Variants in TENM3 observed in about 807,000 individuals in gnomAD.
The protein encoded by TENM3 is teneurin transmembrane protein 3.
Under a neutral mutation model 255.1 loss-of-function variants are expected in TENM3, and 63 were observed. The observed-to-expected ratio is 0.25, with a 90% CI of 0.20 to 0.30. TENM3 has a LOEUF of 0.30. Among genes scored for constraint, TENM3 ranks in the 10% least tolerant of loss-of-function variants. The pLI is 1.00. For missense variants in TENM3, 2,929 were observed against 3,461.1 expected (o/e 0.85, Z 3.86); for synonymous variants, 1,306 against 1,322.3 (o/e 0.99, Z 0.27).
chr4:182,216,079 A>G (rs1755444830), intron 1 of TENM3, among the ~76,000 whole-genome samples: 1 of 152,216 alleles, frequency 6.6e-6, no homozygotes. Flanking sequence ...GATTTCTCCA[A>G]AGGCCAGTGA....
chr4:182,008,342 C>T, the TENM3 span, among the ~76,000 whole-genome samples: 1 of 152,050 alleles, frequency 6.6e-6, no homozygotes, highest in Admixed American at 6.5e-5. Flanking sequence ...CAGCTTGTTT[C>T]CATTCTCCCC....
intron 22 of TENM3, among the ~76,000 whole-genome samples, chr4:182,763,052 T>C (rs897185593): frequency 6.6e-6 from 1 of 152,240 alleles, no homozygotes; most frequent in African/African-American, 2.4e-5. Context: ...TGTAGCGCTC[T>C]CTAAAAACTA....
chr4:182,186,339 A>G (rs969732542), intron 1 of TENM3, among the ~76,000 whole-genome samples: 1 of 152,118 alleles, frequency 6.6e-6, no homozygotes, highest in Non-Finnish European at 1.5e-5. Context: ...CTGATATATG[A>G]TCATGTTTAA....
At chr4:182,446,292 C>T (rs1772907895) in intron 3 of TENM3, among the ~76,000 whole-genome samples, 1 of 152,174 alleles carries the variant, frequency 6.6e-6, no homozygotes, top group African/African-American at 2.4e-5. Context: ...ATGTAGAATA[C>T]TCCAGTACAC....
the TENM3 span, among the ~76,000 whole-genome samples, chr4:181,469,507 C>T: frequency 6.6e-6 from 1 of 152,072 alleles, no homozygotes; most frequent in Non-Finnish European, 1.5e-5. Context: ...TTAGAAAACA[C>T]TTGCATATTT....
At chr4:181,513,774 C>T in the TENM3 span, among the ~76,000 whole-genome samples, 55 of 152,274 alleles carry the variant, frequency 3.6e-4, no homozygotes, top group African/African-American at 1.1e-3. Flanking sequence ...AATCCTGTCG[C>T]TTGTTTTCTT....
intron 1 of TENM3, among the ~76,000 whole-genome samples, chr4:182,197,166 T>C (rs1303025009): frequency 1.3e-5 from 2 of 152,254 alleles, no homozygotes; most frequent in African/African-American, 4.8e-5. Flanking sequence ...TTATTTTTGT[T>C]GTCTACAAGC....
intron 5 of TENM3, among the ~76,000 whole-genome samples, chr4:182,641,684 G>A (rs892383614): frequency 6.6e-6 from 1 of 152,004 alleles, no homozygotes; most frequent in Non-Finnish European, 1.5e-5. Context: ...TGCTCCACAC[G>A]CCTGGCTAAT....
chr4:181,831,636 A>T, the TENM3 span, among the ~76,000 whole-genome samples: 1 of 152,192 alleles, frequency 6.6e-6, no homozygotes, highest in African/African-American at 2.4e-5. Context: ...TTTTGAAAAA[A>T]ACTAGGAATG....
chr4:181,973,179 C>T, the TENM3 span, among the ~76,000 whole-genome samples: 2 of 152,146 alleles, frequency 1.3e-5, no homozygotes, highest in African/African-American at 2.4e-5. Context: ...CCTCTTATAA[C>T]ATATGCAGTA....
Position 182,755,122 on chromosome 4 carries a change from A to G in TENM3, c.4755A>G (p.Ile1585Met), listed in dbSNP as rs374226525. 14 of 1,613,994 alleles carry G rather than the reference A, an allele frequency of 8.7e-6. No homozygotes were observed. Among genetic ancestry groups the G allele is most frequent in the East Asian group, 4.5e-5 (2 of 44,872 alleles). ...TGGTGTCTCCTGATAACCAAGTGAT[A>G]TGGTTGACAATAGGAACAAATGGAT... ...VRVVSPDNQVIWLTIGTNGCL... is the reference protein window; with the variant it reads ...VRVVSPDNQVMWLTIGTNGCL... Residue 1585 changes from isoleucine (I) to methionine (M), a missense_variant, in exon 22 of 28, where the codon ATA becomes ATG. By Grantham distance (10) the Ile-to-Met change is conservative. Around this residue, in one of 6 missense-constraint regions of TENM3, gnomAD observed 1,608 missense variants for 1,884.4 expected, o/e 0.85. Coordinates refer to ENST00000511685, the MANE Select transcript of TENM3 (RefSeq NM_001080477.4).
chr4:182,560,231 C>T (rs1326957212), intron 3 of TENM3, among the ~76,000 whole-genome samples: 34 of 151,830 alleles, frequency 2.2e-4, no homozygotes, highest in Admixed American at 2.2e-3. Context: ...AACACACACC[C>T]CCACATAAAT....
chr4:182,681,915 A>T lies in TENM3; in HGVS notation c.1936A>T (p.Thr646Ser). The change falls in exon 11 of 28, where the codon ACC (threonine) becomes TCC (serine). Residue 646 changes from threonine (T) to serine (S), a missense_variant. Transcript: ENST00000511685. The part of the protein sequence containing the change: ...WGGSNCEILK[T>S]MCPDQCSGHG... ...AGGTAGCAATTGTGAAATACTGAAG[A>T]CCATGTGTCCAGACCAGTGCTCCGG... 6.2e-7 allele frequency: 1 copy of T among 1,613,972 alleles called. No homozygotes were observed. The highest frequency in any genetic ancestry group is 8.5e-7 in the Non-Finnish European group (1 of 1,179,882).
chr4:181,988,938 C>T, the TENM3 span, among the ~76,000 whole-genome samples: 1 of 151,940 alleles, frequency 6.6e-6, no homozygotes, highest in Admixed American at 6.6e-5. Flanking sequence ...GAGGGTGTTC[C>T]TTGTCCATTG....
chr4:182,109,663 C>T, the TENM3 span, among the ~76,000 whole-genome samples: 81 of 152,246 alleles, frequency 5.3e-4, 1 homozygote, highest in African/African-American at 1.9e-3. Context: ...GTTACATGAC[C>T]GAGTTAAGGA....
At chr4:181,777,540 C>T in the TENM3 span, among the ~76,000 whole-genome samples, 4 of 151,910 alleles carry the variant, frequency 2.6e-5, no homozygotes, top group East Asian at 1.9e-4. Flanking sequence ...GATCCATGAA[C>T]GTGGGATGAC....
the TENM3 span, among the ~76,000 whole-genome samples, chr4:182,110,005 G>A: frequency 1.1e-4 from 17 of 151,752 alleles, no homozygotes; most frequent in Admixed American, 5.2e-4. Flanking sequence ...GAAATTTTAC[G>A]TGGGAGGCTG....
At chr4:181,830,461 TG>T in the TENM3 span, among the ~76,000 whole-genome samples, 1 of 151,938 alleles carries the variant, frequency 6.6e-6, no homozygotes, top group Non-Finnish European at 1.5e-5. Context: ...TTAGTAGAGA[TG>T]GGGTTTCACC....
intron 3 of TENM3, among the ~76,000 whole-genome samples, chr4:182,520,962 C>G (rs980468937): frequency 1.8e-4 from 28 of 152,092 alleles, no homozygotes; most frequent in Non-Finnish European, 4.4e-5. Flanking sequence ...TAGAAAATCT[C>G]CAAGTTCAAA....
Sources: allele counts gnomAD v4.1 joint callset (sites outside exome capture counted in the v4.1 genomes callset), GRCh38; gene constraint gnomAD v4.1.1; regional missense constraint gnomAD v4.1.1; transcripts MANE v1.5; gene names NCBI Gene and HGNC (gene_info 2026-07-23, HGNC 2026-07-21).